CERS6: variants seen among roughly 807,000 people sequenced by gnomAD.
CERS6 encodes ceramide synthase 6.
A neutral mutation model predicts 56.8 loss-of-function variants in CERS6; 26 were observed. The ratio of observed to expected loss-of-function variants is 0.46; its 90% CI spans 0.34 to 0.63. The LOEUF is 0.63. Among genes scored for constraint, CERS6 ranks in the 30% least tolerant of loss-of-function variants. The probability of loss-of-function intolerance (pLI) is 0.01; values close to 1 mark genes in which losing one functional copy is unlikely to be tolerated. For synonymous variants in CERS6, 164 were observed against 173.3 expected, an observed-to-expected ratio of 0.95 and a Z score of 0.42; for missense variants, 415 against 467.5, an observed-to-expected ratio of 0.89 and a Z score of 1.04.
chr2:168,458,293 T>TG (rs1693712932), intron 1 of CERS6, among the ~76,000 whole-genome samples: 1 of 152,352 alleles, frequency 6.6e-6, no homozygotes, highest in Admixed American at 6.5e-5. Context: ...TCTTATGTGT[T>TG]GGAGAACAAA....
At chr2:168,531,441 A>T (rs965823215) in intron 1 of CERS6, among the ~76,000 whole-genome samples, 1 of 152,214 alleles carries the variant, frequency 6.6e-6, no homozygotes, top group Non-Finnish European at 1.5e-5. Flanking sequence ...AGGCAGTTGG[A>T]CCAAATGACA....
intron 8 of CERS6, among the ~76,000 whole-genome samples, chr2:168,762,240 T>C (rs989214813): frequency 5.9e-5 from 9 of 152,222 alleles, no homozygotes; most frequent in African/African-American, 2.2e-4. Context: ...TTTTTAATTT[T>C]TAATGTTTCC....
At chr2:168,615,873 C>G (rs909851527) in intron 3 of CERS6, among the ~76,000 whole-genome samples, 1 of 152,136 alleles carries the variant, frequency 6.6e-6, no homozygotes, top group African/African-American at 2.4e-5. Context: ...CAAAGAACAT[C>G]TGGGAAATTC....
chr2:168,734,576 A>G (rs1201275098), intron 8 of CERS6, among the ~76,000 whole-genome samples: 1 of 152,338 alleles, frequency 6.6e-6, no homozygotes, highest in East Asian at 1.9e-4. Flanking sequence ...GCACACGCAC[A>G]CATCAGCATG....
At chr2:168,688,791 G>A (rs1390809413) in intron 4 of CERS6, among the ~76,000 whole-genome samples, 8 of 152,084 alleles carry the variant, frequency 5.3e-5, no homozygotes, top group African/African-American at 1.2e-4. Context: ...CCCTGCCTCC[G>A]GTGCACAGGA....
intron 4 of CERS6, among the ~76,000 whole-genome samples, chr2:168,675,906 C>G (rs992291504): frequency 7.9e-5 from 12 of 152,036 alleles, no homozygotes; most frequent in Admixed American, 1.3e-4. Context: ...AGGATGGTCT[C>G]AATCTCTTGA....
intron 1 of CERS6, among the ~76,000 whole-genome samples, chr2:168,527,867 T>TG (rs753405970): frequency 6.6e-6 from 1 of 152,094 alleles, no homozygotes; most frequent in African/African-American, 2.4e-5. Context: ...ACTACAGGTG[T>TG]GCACCACCAC....
chr2:168,496,390 A>T (rs1694469479), intron 1 of CERS6, among the ~76,000 whole-genome samples: 1 of 151,068 alleles, frequency 6.6e-6, no homozygotes, highest in South Asian at 2.1e-4. Context: ...AAAACAACTA[A>T]AGATTTGAGC....
intron 4 of CERS6, among the ~76,000 whole-genome samples, chr2:168,645,116 A>AAAATAT (rs1553503146): frequency 1.6e-4 from 3 of 19,032 alleles, no homozygotes; most frequent in Non-Finnish European, 2.0e-4. Flanking sequence ...AAAAAAAAAA[A>AAAATAT]ATATATATAT....
At position 168,520,312 on chromosome 2, in the gene CERS6, A is replaced by G. The variant is rs113840262; in HGVS notation, c.171-27284A>G. On this transcript the variant is annotated intron_variant, in intron 1 of 9. Transcript: ENST00000305747. Reference sequence around the variant, plus strand: ...TCTCGTTGATTCGTTTAAGTTCCTTATAGATTCTGGATATTACTCCTTTGT... The same window carrying G: ...TCTCGTTGATTCGTTTAAGTTCCTTGTAGATTCTGGATATTACTCCTTTGT... 5.5e-4 allele frequency among the ~76,000 whole-genome samples: 84 copies of G among 152,216 alleles called. 1 individual carries two copies. Among genetic ancestry groups the G allele is most frequent in the African/African-American group, 2.0e-3 (82 of 41,532 alleles).
chr2:168,560,149 C>G (rs1254764322), intron 2 of CERS6, among the ~76,000 whole-genome samples: 1 of 152,084 alleles, frequency 6.6e-6, no homozygotes, highest in Non-Finnish European at 1.5e-5. Flanking sequence ...TGGTGGCAGA[C>G]AAAAGAGAAC....
intron 3 of CERS6, among the ~76,000 whole-genome samples, chr2:168,566,163 A>G (rs1368664461): frequency 6.6e-6 from 1 of 152,186 alleles, no homozygotes; most frequent in Non-Finnish European, 1.5e-5. Context: ...CAGGTCTGGG[A>G]GGAAATATAA....
chr2:168,747,892 A>T (rs879933609), intron 8 of CERS6, among the ~76,000 whole-genome samples: 1 of 152,220 alleles, frequency 6.6e-6, no homozygotes, highest in Non-Finnish European at 1.5e-5. Context: ...GGCTGCAGAT[A>T]TCATGACAGT....
At position 168,744,074 on chromosome 2, in the gene CERS6, G is replaced by C. The variant is rs532598984; in HGVS notation, c.846-21518G>C. Among the ~76,000 whole-genome samples the C allele has an allele frequency of 2.8e-5, 4 of 142,030 alleles. No individual in the cohort carries two copies. In the East Asian group the frequency reaches 6.1e-4, roughly 22 times the overall value. The allele number at this position is 142,030 out of a possible 152,430, so 93.2% of individuals were successfully genotyped here. On this transcript the variant is annotated intron_variant, in intron 8 of 9. Coordinates refer to ENST00000305747, the MANE Select transcript of CERS6 (RefSeq NM_203463.3). Reference sequence around the variant, plus strand: ...AGGCTGGAGTGCAGTGGCGGGATCTGGGCTCACTGCAAGCTCCACCTCCTG... The same window carrying C: ...AGGCTGGAGTGCAGTGGCGGGATCTCGGCTCACTGCAAGCTCCACCTCCTG...
intron 9 of CERS6, among the ~76,000 whole-genome samples, chr2:168,768,446 T>C (rs1014324488): frequency 6.6e-6 from 1 of 151,532 alleles, no homozygotes; most frequent in Non-Finnish European, 1.5e-5. Flanking sequence ...TTGGTCAGTC[T>C]GGCCTTGAAC....
At chr2:168,545,617 G>A (rs716335) in intron 1 of CERS6, among the ~76,000 whole-genome samples, 43,757 of 151,970 alleles carry the variant, frequency 0.29, 7,555 homozygotes, top group East Asian at 0.52. Flanking sequence ...AGGGCACACA[G>A]AGAATGTCTG....
chr2:168,593,585 T>C (rs1276452850), intron 3 of CERS6, among the ~76,000 whole-genome samples: 1 of 152,218 alleles, frequency 6.6e-6, no homozygotes, highest in Non-Finnish European at 1.5e-5. Flanking sequence ...TAGTAGTCTT[T>C]CTGTGCACAT....
In CERS6 at chr2:168,613,243, G is replaced by A. The variant is rs539920129; in HGVS notation, c.408-17742G>A. Among the ~76,000 whole-genome samples the A allele has an allele frequency of 3.3e-5, 5 of 152,298 alleles. No homozygotes were observed. The East Asian group carries it at 5.8e-4, about 18-fold the overall frequency. The stretch of plus-strand genomic sequence containing the variant: ...TTTTGGATTTTGAGCCTCAGGTGCC[G>A]ACGTTTGGGTGTCCAAATGACATTG... On this transcript the variant is annotated intron_variant, in intron 3 of 9. Coordinates refer to ENST00000305747, the MANE Select transcript of CERS6 (RefSeq NM_203463.3).
chr2:168,742,198 C>T (rs941713852), intron 8 of CERS6, among the ~76,000 whole-genome samples: 4 of 152,150 alleles, frequency 2.6e-5, no homozygotes, highest in Non-Finnish European at 4.4e-5. Flanking sequence ...GTTTCATCCC[C>T]TTTTTTGCCT....
Sources: allele counts gnomAD v4.1 joint callset (sites outside exome capture counted in the v4.1 genomes callset), GRCh38; gene constraint gnomAD v4.1.1; transcripts MANE v1.5; gene names NCBI Gene and HGNC (gene_info 2026-07-23, HGNC 2026-07-21).